Variants in ABCA1 observed in about 807,000 individuals in gnomAD.
ABCA1 encodes phospholipid-transporting ATPase ABCA1.
ABCA1 carries 133 observed loss-of-function variants against 262.5 expected under a neutral mutation model. The ratio of observed to expected loss-of-function variants is 0.51; its 90% CI spans 0.44 to 0.59. The LOEUF (loss-of-function observed/expected upper bound fraction) is 0.59. ABCA1 is among the 20% of genes least tolerant of loss of function. The pLI is 0.00. For missense variants in ABCA1, 2,452 were observed against 2,777.5 expected (o/e 0.88, Z 2.63); for synonymous variants, 1,022 against 1,043.5 (o/e 0.98, Z 0.40).
chr9:104,907,603 A>C (rs914114094), intron 1 of ABCA1, among the ~76,000 whole-genome samples: 2 of 152,160 alleles, frequency 1.3e-5, no homozygotes, highest in African/African-American at 4.8e-5. Flanking sequence ...ATTTGGGCAA[A>C]TTATCCCCAA....
chr9:104,817,207 C>A lies in ABCA1; in HGVS notation c.3535+125G>T. 2.5e-6 allele frequency: 4 copies of A among 1,580,896 alleles called. No individual in the cohort carries two copies. Among genetic ancestry groups the A allele is most frequent in the African/African-American group, 1.3e-5 (1 of 74,322 alleles). On this transcript the variant is annotated intron_variant, in intron 24 of 49. Transcript: ENST00000374736. This position sits in a 1 kb window ranked among gnomAD's most constrained non-coding sequence, Gnocchi z 4.7. ...TGCTCCCACACCCGCAGCCACCCAG[C>A]CCCAGCCCAGCAGCAAACCTTGAGT...
rs1181908035 is a variant in ABCA1 at position 104,782,687 on chromosome 9, G to A, written c.*1628C>T. On this transcript the variant is annotated 3_prime_UTR_variant, in exon 50 of 50. Transcript: ENST00000374736. ...AATTTGAGACTGTCAGATTTAATGGGGTATCCAATATCTGCAAAGCCAATT... is the reference window on the plus strand; with the variant it reads ...AATTTGAGACTGTCAGATTTAATGGAGTATCCAATATCTGCAAAGCCAATT... The A allele has an allele frequency of 6.6e-6, 1 of 152,020 alleles. No individual in the cohort carries two copies. The highest frequency in any genetic ancestry group is 2.4e-5 in the African/African-American group (1 of 41,390). The allele number at this position is 152,020 out of a possible 1,614,324, so 9.4% of individuals were successfully genotyped here.
At chr9:104,789,815 C>T (rs188853802) in intron 44 of ABCA1, among the ~76,000 whole-genome samples, 24 of 152,202 alleles carry the variant, frequency 1.6e-4, no homozygotes, top group Admixed American at 1.0e-3. Flanking sequence ...CCAGAGAAGC[C>T]GGGCGCAGTG....
chr9:104,820,060 G>A lies in ABCA1; in HGVS notation c.2970C>T (p.Val990=), dbSNP rs41277767. ...QHNVLFDMLT[V]EEHIWFYARL... ...GGGCATAGAACCAGATGTGTTCTTC[G>A]ACAGTCAGCCTGGGGACAGGGAGGC... is the stretch of plus-strand genomic sequence containing the variant. The change falls in exon 21 of 50, where the codon GTC becomes GTT. Residue 990 remains valine (V), a synonymous_variant. Transcript: ENST00000374736. The A allele has an allele frequency of 3.2e-5, 52 of 1,613,962 alleles. No individual in the cohort carries two copies. Among genetic ancestry groups the A allele is most frequent in the South Asian group, 7.7e-5 (7 of 91,068 alleles).
At chr9:104,839,645 T>C (rs1464611943) in intron 9 of ABCA1, among the ~76,000 whole-genome samples, 1 of 142,376 alleles carries the variant, frequency 7.0e-6, no homozygotes, top group Admixed American at 6.9e-5. Context: ...TCTAGCTTTT[T>C]TGAGTTACAA....
chr9:104,894,974 T>G (rs1840069108), intron 2 of ABCA1, among the ~76,000 whole-genome samples: 1 of 152,246 alleles, frequency 6.6e-6, no homozygotes, highest in Admixed American at 6.5e-5. Flanking sequence ...AAACCAAAGT[T>G]GACTTCTGCC....
chr9:104,819,009 A>G (rs1564125588), intron 22 of ABCA1, 126 bp from the exon 23 acceptor site: 2 of 877,228 alleles, frequency 2.3e-6, no homozygotes, highest in Admixed American at 4.0e-5. Context: ...GCCACCTTTC[A>G]CCCTGTATGG....
intron 5 of ABCA1, 89 bp downstream of exon 5, chr9:104,882,950 G>A (rs1838814356): frequency 7.8e-7 from 1 of 1,279,782 alleles, no homozygotes. Context: ...GATCTAATGG[G>A]AACAAGCCCC....
Position 104,791,997 on chromosome 9 carries a change from A to G in ABCA1, c.5759T>C (p.Ile1920Thr). Residue 1920 changes from isoleucine (I) to threonine (T), a missense_variant and splice_region_variant, in exon 43 of 50, where the codon ATA becomes ACA. Around this residue, in one of 4 missense-constraint regions of ABCA1, gnomAD observed 752 missense variants for 944.5 expected, o/e 0.80. Transcript: ENST00000374736. The part of the protein sequence containing the change: ...DILEIKELTK[I>T]YRRKRKPAVD... ...AGCAGGCTTCCGCTTCCTTCTATAT[A>G]TCTGCAACAAACAAAATGTAAACAT... The G allele has an allele frequency of 6.2e-7, 1 of 1,612,820 alleles. No homozygotes were observed. The highest frequency in any genetic ancestry group is 8.5e-7 in the Non-Finnish European group (1 of 1,179,518).
intron 11 of ABCA1, among the ~76,000 whole-genome samples, chr9:104,834,710 A>T (rs1235070959): frequency 1.4e-5 from 2 of 142,254 alleles, no homozygotes; most frequent in Non-Finnish European, 3.1e-5. Flanking sequence ...GGTCCCGAGG[A>T]TGGGTGGCTA....
chr9:104,835,675 G>T (rs962152381), intron 11 of ABCA1, among the ~76,000 whole-genome samples: 2 of 152,014 alleles, frequency 1.3e-5, no homozygotes, highest in Non-Finnish European at 2.9e-5. Context: ...TCCCTCCAAG[G>T]CATGCCCATG....
At chr9:104,812,288 C>T (rs1472991657) in intron 28 of ABCA1, among the ~76,000 whole-genome samples, 1 of 152,222 alleles carries the variant, frequency 6.6e-6, no homozygotes, top group African/African-American at 2.4e-5. Context: ...TAAGCACTTA[C>T]TAATGTCAGG....
intron 2 of ABCA1, among the ~76,000 whole-genome samples, chr9:104,894,956 C>T (rs1289560646): frequency 2.0e-5 from 3 of 152,348 alleles, no homozygotes; most frequent in East Asian, 1.9e-4. Context: ...ATAATAGCCT[C>T]CCTCTAGAAA....
chr9:104,921,951 C>T (rs1842158460), intron 1 of ABCA1, among the ~76,000 whole-genome samples: 1 of 152,148 alleles, frequency 6.6e-6, no homozygotes, highest in South Asian at 2.1e-4. Context: ...GGGGATCTTA[C>T]TTTCAACTTA....
Position 104,818,784 on chromosome 9 carries a change from G to T in ABCA1, c.3341C>A (p.Ser1114Tyr). Residue 1114 changes from serine to tyrosine, a missense_variant, in exon 23 of 50, where the codon TCC (serine) becomes TAC (tyrosine). Around this residue, in one of 4 missense-constraint regions of ABCA1, gnomAD observed 665 missense variants for 727.3 expected, o/e 0.91. Coordinates refer to ENST00000374736, the MANE Select transcript of ABCA1 (RefSeq NM_005502.4). Reference sequence around the variant, plus strand: ...CAGCTGGTTCTTCAGAAACAGGGAGGAGCCCACACAGCACAGCTTCCCATG... The same window carrying T: ...CAGCTGGTTCTTCAGAAACAGGGAGTAGCCCACACAGCACAGCTTCCCATG... The part of the protein sequence containing the change: ...ISHGKLCCVG[S>Y]SLFLKNQLGT... 1 of 1,614,048 alleles carries T rather than the reference G, an allele frequency of 6.2e-7. No homozygotes were observed. The highest frequency in any genetic ancestry group is 8.5e-7 in the Non-Finnish European group (1 of 1,180,026).
At position 104,783,909 on chromosome 9, in the gene ABCA1, A is replaced by G. The variant is rs151170184; in HGVS notation, c.*406T>C. 5.2e-5 allele frequency: 10 copies of G among 191,938 alleles called. No homozygotes were observed. Among genetic ancestry groups the G allele is most frequent in the Middle Eastern group, 2.6e-3 (1 of 392 alleles). 11.9% of individuals were successfully genotyped at this position (191,938 alleles called of 1,614,324 possible). Reference sequence around the variant, plus strand: ...CATGGCTTAGTGAATGAGGATGTGCATTACCTTTTGATTTTGATCAATAAT... The same window carrying G: ...CATGGCTTAGTGAATGAGGATGTGCGTTACCTTTTGATTTTGATCAATAAT... On this transcript the variant is annotated 3_prime_UTR_variant, in exon 50 of 50. Coordinates refer to ENST00000374736, the MANE Select transcript of ABCA1 (RefSeq NM_005502.4).
chr9:104,821,399 G>A lies in ABCA1; in HGVS notation c.2936C>T (p.Pro979Leu). 6.2e-7 allele frequency: 1 copy of A among 1,614,098 alleles called. No homozygotes were observed. Among genetic ancestry groups the A allele is most frequent in the Non-Finnish European group, 8.5e-7 (1 of 1,180,034 alleles). ...STIRQNLGVC[P>L]QHNVLFDMLT... is the part of the protein sequence containing the mutation. Reference sequence around the variant, plus strand: ...CATGTCAAACAGCACGTTATGCTGGGGACAGACCCCCAGGTTCTGCCGGAT... The same window carrying A: ...CATGTCAAACAGCACGTTATGCTGGAGACAGACCCCCAGGTTCTGCCGGAT... Residue 979 changes from proline to leucine, a missense_variant, in exon 20 of 50, where the codon CCC becomes CTC. Physicochemically the swap from Pro to Leu is moderately conservative, Grantham distance 98. Transcript: ENST00000374736.
At chr9:104,799,520 G>A (rs1830161139) in intron 36 of ABCA1, 1 of 981,730 alleles carries the variant, frequency 1.0e-6, no homozygotes, top group South Asian at 4.7e-5. Flanking sequence ...AAATCAAACT[G>A]ATTAAACACT....
chr9:104,828,592 A>G (rs1387995136), intron 15 of ABCA1, among the ~76,000 whole-genome samples: 1 of 152,230 alleles, frequency 6.6e-6, no homozygotes, highest in Admixed American at 6.5e-5. Flanking sequence ...AATATATCTA[A>G]GAAAATAAAT....
Sources: gnomAD v4.1 joint callset for allele counts (sites outside exome capture counted in the v4.1 genomes callset) on GRCh38, gnomAD v4.1.1 for gene constraint, gnomAD v4.1.1 regional missense constraint, Gnocchi (gnomAD v3.1) non-coding constraint, MANE v1.5 for transcripts, NCBI Gene and HGNC (gene_info 2026-07-23, HGNC 2026-07-21) for gene names.